Variants in ADCY2 observed in about 807,000 individuals in gnomAD.
ADCY2 encodes the protein adenylate cyclase 2, also known as adenylate cyclase type 2.
In ADCY2, 31 loss-of-function variants were observed where a neutral mutation model predicts 125.2. The observed-to-expected ratio is 0.25, with a 90% CI of 0.19 to 0.33. ADCY2 has a LOEUF of 0.33. Ranked by LOEUF, ADCY2 falls within the 10% of genes least tolerant of loss-of-function variation. The probability of loss-of-function intolerance (pLI) is 1.00; values close to 1 mark genes in which losing one functional copy is unlikely to be tolerated. For missense variants in ADCY2, 904 were observed against 1,418.2 expected, an observed-to-expected ratio of 0.64 and a Z score of 5.82; for synonymous variants, 512 against 548.4, an observed-to-expected ratio of 0.93 and a Z score of 0.93.
At chr5:7,779,680 A>G (rs543267020) in intron 18 of ADCY2, among the ~76,000 whole-genome samples, 9 of 152,186 alleles carry the variant, frequency 5.9e-5, no homozygotes, top group East Asian at 1.9e-4. Context: ...CTGCTGCAGC[A>G]CTGGCATGTC....
At chr5:7,610,428 G>A (rs1004652370) in intron 3 of ADCY2, among the ~76,000 whole-genome samples, 1 of 152,116 alleles carries the variant, frequency 6.6e-6, no homozygotes, top group Non-Finnish European at 1.5e-5. Context: ...GGAGAGAGTA[G>A]GAAGGAGACA....
chr5:7,462,892 T>C (rs908415093), intron 2 of ADCY2, among the ~76,000 whole-genome samples: 3 of 152,184 alleles, frequency 2.0e-5, no homozygotes, highest in Non-Finnish European at 2.9e-5. Flanking sequence ...GATATTGCAG[T>C]GTCCAGGGAA....
intron 4 of ADCY2, among the ~76,000 whole-genome samples, chr5:7,689,721 A>T (rs1740645809): frequency 6.6e-6 from 1 of 152,224 alleles, no homozygotes; most frequent in East Asian, 1.9e-4. Context: ...TTGCCAAAAA[A>T]AGAAAAAGAG....
intron 2 of ADCY2, among the ~76,000 whole-genome samples, chr5:7,490,492 C>T (rs182078684): frequency 6.6e-6 from 1 of 152,132 alleles, no homozygotes; most frequent in African/African-American, 2.4e-5. Context: ...AGCAATGAGG[C>T]CACAGAGGCT....
In ADCY2 at chr5:7,469,491, T is replaced by G. The variant is rs144974900; in HGVS notation, c.409-51247T>G. 3.9e-4 allele frequency among the ~76,000 whole-genome samples: 60 copies of G among 152,038 alleles called. 1 individual carries two copies. The highest frequency in any genetic ancestry group is 1.4e-3 in the African/African-American group (57 of 41,550). ...CTTTCTCTAAACCTGCCTATATATA[T>G]AGAGGGAGAGAGAGTATATATATGT... On this transcript the variant is annotated intron_variant, in intron 2 of 24. Coordinates refer to ENST00000338316, the MANE Select transcript of ADCY2 (RefSeq NM_020546.3).
At chr5:7,441,792 T>C (rs1315495946) in intron 2 of ADCY2, among the ~76,000 whole-genome samples, 2 of 152,210 alleles carry the variant, frequency 1.3e-5, no homozygotes, top group South Asian at 2.1e-4. Flanking sequence ...GAGGTGGTTC[T>C]TGAAATTCTG....
rs771225857 is a variant in ADCY2 at position 7,507,873 on chromosome 5, G to A, written c.409-12865G>A. ...ATGGCCTCTTTTTATGTTGCCTTAT[G>A]ACTTTAGGCGACTACTTAACCCCTC... On this transcript the variant is annotated intron_variant, in intron 2 of 24. Transcript: ENST00000338316. Among the ~76,000 whole-genome samples, 119 of 151,790 alleles carry A rather than the reference G, an allele frequency of 7.8e-4. 9 individuals carry two copies. The highest frequency in any genetic ancestry group is 3.4e-4 in the Non-Finnish European group (23 of 67,970).
At chr5:7,435,180 G>T (rs981526945) in intron 2 of ADCY2, among the ~76,000 whole-genome samples, 1 of 152,160 alleles carries the variant, frequency 6.6e-6, no homozygotes, top group Non-Finnish European at 1.5e-5. Context: ...GCTATGTTAC[G>T]TGAAGATTCT....
At chr5:7,482,789 T>TATATATATATATATATAC (rs1241879068) in intron 2 of ADCY2, among the ~76,000 whole-genome samples, 2 of 143,236 alleles carry the variant, frequency 1.4e-5, no homozygotes, top group Admixed American at 7.0e-5. Context: ...TATATATATA[T>TATATATATATATATATAC]ATACACACAC....
At position 7,761,148 on chromosome 5, in the gene ADCY2, C is replaced by CTTTTTTTTTTTTTTTTTT. The variant is rs367998018; in HGVS notation, c.2094+3564_2094+3581dup. The stretch of plus-strand genomic sequence containing the variant: ...ATCAAAATTTCTTTTCTTTTCTTTT[C>CTTTTTTTTTTTTTTTTTT]TTTTTTTTTTTTTTTTTTTGAGATG... On this transcript the variant is annotated intron_variant, in intron 16 of 24. Transcript: ENST00000338316. Among the ~76,000 whole-genome samples the CTTTTTTTTTTTTTTTTTT allele has an allele frequency of 9.4e-4, 83 of 88,166 alleles. 3 individuals carry two copies. Among genetic ancestry groups the CTTTTTTTTTTTTTTTTTT allele is most frequent in the East Asian group, 1.7e-3 (5 of 2,858 alleles). The allele number at this position is 88,166 out of a possible 152,430, so 57.8% of individuals were successfully genotyped here. A position where few individuals can be genotyped will look rare whatever the true frequency, so the allele number is the denominator to read the frequency against.
intron 2 of ADCY2, among the ~76,000 whole-genome samples, chr5:7,421,353 G>A (rs538602051): frequency 2.0e-5 from 3 of 152,328 alleles, no homozygotes; most frequent in South Asian, 2.1e-4. Context: ...AGACTCTAGA[G>A]GAGAATCCTC....
intron 7 of ADCY2, among the ~76,000 whole-genome samples, chr5:7,704,314 C>G (rs563005146): frequency 2.2e-4 from 33 of 152,332 alleles, no homozygotes; most frequent in Admixed American, 1.8e-3. Context: ...CACCTCCACA[C>G]TTAGCAGCAC....
At chr5:7,742,100 CG>C (rs1742454924) in intron 14 of ADCY2, among the ~76,000 whole-genome samples, 1 of 145,932 alleles carries the variant, frequency 6.9e-6, no homozygotes, top group Non-Finnish European at 1.5e-5. Context: ...ACCTTAACAC[CG>C]AGAAAAAGCT....
At chr5:7,688,550 T>C (rs1005232242) in intron 4 of ADCY2, among the ~76,000 whole-genome samples, 3 of 152,152 alleles carry the variant, frequency 2.0e-5, no homozygotes, top group Admixed American at 1.3e-4. Flanking sequence ...ACTACAGGTA[T>C]CAGCTACCGT....
intron 19 of ADCY2, among the ~76,000 whole-genome samples, chr5:7,786,956 G>A (rs1019346988): frequency 5.9e-5 from 9 of 152,180 alleles, no homozygotes; most frequent in Admixed American, 1.3e-4. Flanking sequence ...TGTGCTAGAT[G>A]AGAGCCCCAG....
intron 4 of ADCY2, among the ~76,000 whole-genome samples, chr5:7,684,612 A>G (rs529986246): frequency 1.3e-5 from 2 of 152,256 alleles, no homozygotes; most frequent in African/African-American, 4.8e-5. Context: ...TCTTTTAACA[A>G]TGTACTCTCT....
At chr5:7,623,304 C>T (rs1284663036) in intron 3 of ADCY2, among the ~76,000 whole-genome samples, 1 of 152,204 alleles carries the variant, frequency 6.6e-6, no homozygotes, top group Non-Finnish European at 1.5e-5. Flanking sequence ...ATTTCAGCCA[C>T]ACCTAATAAG....
intron 3 of ADCY2, among the ~76,000 whole-genome samples, chr5:7,553,516 G>A (rs909399727): frequency 6.6e-6 from 1 of 152,210 alleles, no homozygotes. Flanking sequence ...AGGAAAAAGT[G>A]GGCAGACTAC....
chr5:7,802,065 T>C lies in ADCY2; in HGVS notation c.2629-153T>C. 2.7e-6 allele frequency: 2 copies of C among 739,262 alleles called. No individual in the cohort carries two copies. The highest frequency in any genetic ancestry group is 3.9e-5 in the South Asian group (2 of 51,328). 45.8% of individuals were successfully genotyped at this position (739,262 alleles called of 1,614,324 possible). Reference sequence around the variant, plus strand: ...CTTTCCCCTGAGAGCAGCGGCAGCATCTGGATTGGGCCGCGGCTGGGGTGG... The same window carrying C: ...CTTTCCCCTGAGAGCAGCGGCAGCACCTGGATTGGGCCGCGGCTGGGGTGG... On this transcript the variant is annotated intron_variant, in intron 20 of 24. Coordinates refer to ENST00000338316, the MANE Select transcript of ADCY2 (RefSeq NM_020546.3). The surrounding 1 kb of genome is among the most constrained non-coding windows in gnomAD (Gnocchi z 4.6).
Sources: allele counts gnomAD v4.1 joint callset (sites outside exome capture counted in the v4.1 genomes callset), GRCh38; gene constraint gnomAD v4.1.1; non-coding constraint Gnocchi (gnomAD v3.1); transcripts MANE v1.5; gene names NCBI Gene and HGNC (gene_info 2026-07-23, HGNC 2026-07-21).